The following SLIT2 variants were observed in gnomAD, a reference collection of about 807,000 sequenced individuals.
The protein encoded by SLIT2 is slit guidance ligand 2.
Under a neutral mutation model 185.7 loss-of-function variants are expected in SLIT2, and 41 were observed. The ratio of observed to expected loss-of-function variants is 0.22; its 90% CI spans 0.17 to 0.29. The LOEUF is 0.29. SLIT2 is among the 10% of genes least tolerant of loss of function. SLIT2 has a pLI of 1.00. For missense variants in SLIT2, 1,571 were observed against 1,909.0 expected, an observed-to-expected ratio of 0.82 and a Z score of 3.30; for synonymous variants, 693 against 680.2, an observed-to-expected ratio of 1.02 and a Z score of -0.29.
At chr4:20,463,478 T>G (rs1379405067) in intron 4 of SLIT2, among the ~76,000 whole-genome samples, 8 of 115,868 alleles carry the variant, frequency 6.9e-5, no homozygotes, top group African/African-American at 3.0e-4. Context: ...TATATATATA[T>G]ATATATATAT....
chr4:20,441,285 T>C (rs1729717023), intron 4 of SLIT2, among the ~76,000 whole-genome samples: 1 of 152,214 alleles, frequency 6.6e-6, no homozygotes, highest in South Asian at 2.1e-4. Context: ...CATTTCGTGC[T>C]TGTGGCACAG....
chr4:20,320,085 G>A (rs1407557847), intron 4 of SLIT2, among the ~76,000 whole-genome samples: 2 of 152,142 alleles, frequency 1.3e-5, no homozygotes, highest in South Asian at 2.1e-4. Context: ...GGTCTGGTGT[G>A]TAGTCACACA....
intron 4 of SLIT2, among the ~76,000 whole-genome samples, chr4:20,281,772 A>G (rs1714798698): frequency 1.3e-5 from 2 of 152,182 alleles, no homozygotes; most frequent in Admixed American, 1.3e-4. Context: ...ATCCCTTGGA[A>G]TTTAGTTGAT....
chr4:20,280,065 G>T (rs544406049), intron 4 of SLIT2, among the ~76,000 whole-genome samples: 1 of 152,252 alleles, frequency 6.6e-6, no homozygotes, highest in African/African-American at 2.4e-5. Flanking sequence ...TGGGCATGGT[G>T]GCTCATGCCT....
intron 11 of SLIT2, 139 bp downstream of exon 11, chr4:20,511,276 C>T: frequency 1.8e-6 from 1 of 552,822 alleles, no homozygotes; most frequent in Non-Finnish European, 3.2e-6. Context: ...TATTATTAAC[C>T]ACTTCTGGGT....
intron 4 of SLIT2, among the ~76,000 whole-genome samples, chr4:20,432,338 A>G (rs1443373322): frequency 6.6e-6 from 1 of 152,208 alleles, no homozygotes. Context: ...AAGGGATTTG[A>G]ACAAGATAAT....
rs537414324 is a variant in SLIT2 at position 20,388,958 on chromosome 4, CA to C, written c.396-78788del. On this transcript the variant is annotated intron_variant, in intron 4 of 36. Coordinates refer to ENST00000504154, the MANE Select transcript of SLIT2 (RefSeq NM_004787.4). ...TATACACACATACATGTATATATGT[CA>C]AAAAATATATGTCAAAATATATATA... 5.1e-3 allele frequency among the ~76,000 whole-genome samples: 616 copies of C among 120,748 alleles called. 7 individuals are homozygous for C. Among genetic ancestry groups the C allele is most frequent in the African/African-American group, 0.017 (595 of 34,390 alleles). The allele number at this position is 120,748 out of a possible 152,430, so 79.2% of individuals were successfully genotyped here. A position where few individuals can be genotyped will look rare whatever the true frequency, so the allele number is the denominator to read the frequency against.
intron 4 of SLIT2, among the ~76,000 whole-genome samples, chr4:20,463,641 G>A (rs757609877): frequency 3.3e-5 from 5 of 149,862 alleles, no homozygotes; most frequent in South Asian, 2.1e-4. Flanking sequence ...TTGGGAGGCC[G>A]AGGCGGGTGG....
chr4:20,487,538 C>T (rs1717360326), intron 7 of SLIT2, among the ~76,000 whole-genome samples: 1 of 152,106 alleles, frequency 6.6e-6, no homozygotes, highest in African/African-American at 2.4e-5. Flanking sequence ...TTTCTCATTT[C>T]AAGTTCCTAA....
At chr4:20,577,982 G>A (rs1726215050) in intron 29 of SLIT2, among the ~76,000 whole-genome samples, 1 of 152,126 alleles carries the variant, frequency 6.6e-6, no homozygotes, top group African/African-American at 2.4e-5. Flanking sequence ...AAATACAGTA[G>A]GGAAATCTGG....
chr4:20,383,595 A>G (rs1724702291), intron 4 of SLIT2, among the ~76,000 whole-genome samples: 1 of 152,234 alleles, frequency 6.6e-6, no homozygotes, highest in African/African-American at 2.4e-5. Context: ...AAACAACTGG[A>G]ACTCTCACAT....
chr4:20,480,682 C>G (rs1215540005), intron 5 of SLIT2, 34 bp from the exon 6 acceptor site: 6 of 1,535,446 alleles, frequency 3.9e-6, no homozygotes, highest in Non-Finnish European at 5.4e-6. Flanking sequence ...ACTGTCCATC[C>G]CTTCTACATA....
intron 4 of SLIT2, among the ~76,000 whole-genome samples, chr4:20,353,376 C>T (rs2109269800): frequency 6.6e-6 from 1 of 152,102 alleles, no homozygotes; most frequent in African/African-American, 2.4e-5. Context: ...GAAGACATCC[C>T]TAAAAAAGCA....
Position 20,441,023 on chromosome 4 carries a change from AGCCACAACGGGAT to A in SLIT2, c.396-26728_396-26716del, listed in dbSNP as rs543647731. ...TCTGTTACCAAGACTTTTTATTCAG[AGCCACAACGGGAT>A]TAAATGAAAATGACCGAAGCCTCCA... is the stretch of plus-strand genomic sequence containing the variant. On this transcript the variant is annotated intron_variant, in intron 4 of 36. Coordinates refer to ENST00000504154, the MANE Select transcript of SLIT2 (RefSeq NM_004787.4). Among the ~76,000 whole-genome samples the A allele has an allele frequency of 5.5e-3, 840 of 152,056 alleles. 17 individuals carry two copies. Among genetic ancestry groups the A allele is most frequent in the Middle Eastern group, 0.027 (8 of 294 alleles).
intron 4 of SLIT2, among the ~76,000 whole-genome samples, chr4:20,339,548 T>C (rs1158001608): frequency 1.3e-5 from 2 of 152,210 alleles, no homozygotes; most frequent in African/African-American, 2.4e-5. Flanking sequence ...GTGATTTTCA[T>C]GTGGACTCTA....
At chr4:20,402,433 T>TA (rs1265380264) in intron 4 of SLIT2, among the ~76,000 whole-genome samples, 1 of 151,922 alleles carries the variant, frequency 6.6e-6, no homozygotes, top group African/African-American at 2.4e-5. Flanking sequence ...ATCGCTTATT[T>TA]AAAAAACCAG....
chr4:20,284,665 C>A (rs1715098769), intron 4 of SLIT2, among the ~76,000 whole-genome samples: 1 of 152,202 alleles, frequency 6.6e-6, no homozygotes, highest in Admixed American at 6.5e-5. Context: ...GCATAGGTGA[C>A]TTTTTGTACC....
chr4:20,588,501 T>C (rs6813991), intron 29 of SLIT2, among the ~76,000 whole-genome samples: 1 of 152,168 alleles, frequency 6.6e-6, no homozygotes, highest in Non-Finnish European at 1.5e-5. Context: ...TTCCTGGAAA[T>C]GAACAGCTGC....
At chr4:20,577,122 C>T (rs1726143974) in intron 29 of SLIT2, among the ~76,000 whole-genome samples, 1 of 152,030 alleles carries the variant, frequency 6.6e-6, no homozygotes, top group Non-Finnish European at 1.5e-5. Flanking sequence ...GGCTTTGATT[C>T]TTTACTGCAA....
Sources: allele counts gnomAD v4.1 joint callset (sites outside exome capture counted in the v4.1 genomes callset), GRCh38; gene constraint gnomAD v4.1.1; transcripts MANE v1.5; gene names NCBI Gene and HGNC (gene_info 2026-07-23, HGNC 2026-07-21).